Variants in WWC1 observed in about 807,000 individuals in gnomAD.
The protein encoded by WWC1 is WW and C2 domain containing 1, also known as protein KIBRA.
In WWC1, 55 loss-of-function variants were observed where a neutral mutation model predicts 138.4. That is an observed-to-expected ratio of 0.40 (90% confidence interval 0.32 to 0.50). The LOEUF (loss-of-function observed/expected upper bound fraction) is 0.50. Among genes scored for constraint, WWC1 ranks in the 20% least tolerant of loss-of-function variants. WWC1 has a pLI of 0.72. For missense variants in WWC1, 1,226 were observed against 1,420.4 expected (o/e 0.86, Z 2.20); for synonymous variants, 524 against 564.9 (o/e 0.93, Z 1.03).
Position 168,422,029 on chromosome 5 carries a change from G to A in WWC1, c.1206G>A (p.Arg402=). The part of the protein sequence containing the change: ...LTERLKLNSK[R]NQLVRELEEA... Reference sequence around the variant, plus strand: ...CCAGGTTAAAGTTAAACAGTAAGAGGAACCAGCTTGTGAGAGAACTGGAGG... The same window carrying A: ...CCAGGTTAAAGTTAAACAGTAAGAGAAACCAGCTTGTGAGAGAACTGGAGG... The change falls in exon 10 of 23, where the codon AGG becomes AGA. Residue 402 remains arginine (R), a synonymous_variant. Transcript: ENST00000265293. The A allele has an allele frequency of 6.2e-7, 1 of 1,611,974 alleles. No individual in the cohort carries two copies. Among genetic ancestry groups the A allele is most frequent in the Non-Finnish European group, 8.5e-7 (1 of 1,178,762 alleles).
intron 18 of WWC1, among the ~76,000 whole-genome samples, chr5:168,455,131 A>G (rs1441825546): frequency 1.3e-5 from 2 of 152,096 alleles, no homozygotes; most frequent in African/African-American, 2.4e-5. Flanking sequence ...CCAGTCCCCA[A>G]CCACACGTGC....
intron 9 of WWC1, among the ~76,000 whole-genome samples, chr5:168,419,296 A>C (rs560369674): frequency 6.6e-6 from 1 of 152,322 alleles, no homozygotes; most frequent in African/African-American, 2.4e-5. Context: ...ACAGTGGAAC[A>C]CATCTGTCCA....
intron 16 of WWC1, among the ~76,000 whole-genome samples, chr5:168,443,722 T>A (rs1325810671): frequency 6.6e-6 from 1 of 152,082 alleles, no homozygotes; most frequent in African/African-American, 2.4e-5. Context: ...TGATTTTAGT[T>A]CCCTCTTTCC....
At chr5:168,436,984 C>T (rs143895185) in intron 15 of WWC1, among the ~76,000 whole-genome samples, 396 of 152,312 alleles carry the variant, frequency 2.6e-3, no homozygotes, top group Non-Finnish European at 4.7e-3. Context: ...TGTCCTTTGC[C>T]TGGCCTCCAA....
chr5:168,425,494 CT>C (rs541197702), intron 11 of WWC1, among the ~76,000 whole-genome samples: 2,805 of 135,456 alleles, frequency 0.021, 39 homozygotes, highest in East Asian at 0.047. Flanking sequence ...TTTTAATCTC[CT>C]TTTTTTTTTT....
chr5:168,360,708 T>G (rs1309646203), intron 1 of WWC1, among the ~76,000 whole-genome samples: 3 of 152,252 alleles, frequency 2.0e-5, no homozygotes, highest in African/African-American at 7.2e-5. Flanking sequence ...TCATCATTCT[T>G]CTTCCAGTGC....
At chr5:168,409,372 C>G (rs1780050395) in intron 7 of WWC1, among the ~76,000 whole-genome samples, 2 of 152,186 alleles carry the variant, frequency 1.3e-5, no homozygotes, top group Admixed American at 1.3e-4. Context: ...CAGACTAGCA[C>G]AGAAAAAGAG....
At chr5:168,306,754 A>G (rs1862351) in intron 1 of WWC1, among the ~76,000 whole-genome samples, 98,294 of 151,868 alleles carry the variant, frequency 0.65, 32,045 homozygotes, top group Middle Eastern at 0.76. Flanking sequence ...GCACCACCAC[A>G]CCCAGCTAAT....
At chr5:168,415,760 C>T (rs1398457346) in intron 9 of WWC1, 2 of 114,792 alleles carry the variant, frequency 1.7e-5, no homozygotes, top group Non-Finnish European at 3.2e-5. Flanking sequence ...CCGTAAGGAG[C>T]TTAGAAGTGA....
chr5:168,360,360 A>G (rs1174260383), intron 1 of WWC1, among the ~76,000 whole-genome samples: 1 of 152,102 alleles, frequency 6.6e-6, no homozygotes, highest in Non-Finnish European at 1.5e-5. Flanking sequence ...TTTTGCTTTT[A>G]TTATTATTAT....
At chr5:168,418,462 C>T (rs1780830745) in intron 9 of WWC1, among the ~76,000 whole-genome samples, 1 of 152,184 alleles carries the variant, frequency 6.6e-6, no homozygotes, top group Admixed American at 6.5e-5. Flanking sequence ...CCAGCCCCAC[C>T]TTCTGGATCC....
At chr5:168,329,234 G>T (rs4449559) in intron 1 of WWC1, among the ~76,000 whole-genome samples, 30,264 of 152,128 alleles carry the variant, frequency 0.2, 3,577 homozygotes, top group African/African-American at 0.33. Flanking sequence ...AGTTTTGTAT[G>T]ATTCTTAGGA....
At chr5:168,468,210 G>T (rs563813305) in intron 22 of WWC1, among the ~76,000 whole-genome samples, 1 of 152,348 alleles carries the variant, frequency 6.6e-6, no homozygotes, top group East Asian at 1.9e-4. Flanking sequence ...TTTAATGAAT[G>T]AGCCACCTGC....
At chr5:168,350,944 A>C (rs4976594) in intron 1 of WWC1, among the ~76,000 whole-genome samples, 91,947 of 151,766 alleles carry the variant, frequency 0.61, 28,796 homozygotes, top group East Asian at 0.81. Context: ...TCAGGAGTTC[A>C]AGACCATCCT....
At chr5:168,440,640 C>T (rs886562714) in intron 15 of WWC1, among the ~76,000 whole-genome samples, 6 of 152,186 alleles carry the variant, frequency 3.9e-5, no homozygotes, top group Non-Finnish European at 8.8e-5. Context: ...GCCCCAGCCT[C>T]CCGAGTAGCT....
At chr5:168,436,101 C>T (rs761020704) in intron 15 of WWC1, among the ~76,000 whole-genome samples, 2 of 152,114 alleles carry the variant, frequency 1.3e-5, no homozygotes, top group South Asian at 2.1e-4. Context: ...CCTTTTCCTC[C>T]GAAAGTGGTG....
At chr5:168,338,649 G>A (rs1773717840) in intron 1 of WWC1, among the ~76,000 whole-genome samples, 1 of 152,040 alleles carries the variant, frequency 6.6e-6, no homozygotes, top group South Asian at 2.1e-4. Context: ...CCGGCCTCAG[G>A]TGTTCCACCT....
rs2098652 is a variant in WWC1, at chr5:168,341,711, A to G, written c.120-29713A>G. Among the ~76,000 whole-genome samples, 2,954 of 151,786 alleles carry G rather than the reference A, an allele frequency of 0.019. 205 individuals are homozygous for G. The East Asian group carries it at 0.21, about 11-fold the overall frequency. On this transcript the variant is annotated intron_variant, in intron 1 of 22. Transcript: ENST00000265293. ...GTGTCATTTGCTGATTTAAAAAAAAAAAAAAGATTTTGGAAAAAGTAAGGC... is the reference window on the plus strand; with the variant it reads ...GTGTCATTTGCTGATTTAAAAAAAAGAAAAAGATTTTGGAAAAAGTAAGGC...
intron 1 of WWC1, among the ~76,000 whole-genome samples, chr5:168,341,500 G>A (rs1367279459): frequency 6.6e-6 from 1 of 152,044 alleles, no homozygotes; most frequent in Non-Finnish European, 1.5e-5. Context: ...AACACATCTT[G>A]CTGTCAGAGA....
Sources: allele counts gnomAD v4.1 joint callset (sites outside exome capture counted in the v4.1 genomes callset), GRCh38; gene constraint gnomAD v4.1.1; transcripts MANE v1.5; gene names NCBI Gene and HGNC (gene_info 2026-07-23, HGNC 2026-07-21).